The following PTGR1 variants were observed in gnomAD, a reference collection of about 807,000 sequenced individuals.
PTGR1 encodes prostaglandin reductase 1, also known as 15-oxoprostaglandin 13-reductase.
A neutral mutation model predicts 37.7 loss-of-function variants in PTGR1; 23 were observed. The observed-to-expected ratio is 0.61, with a 90% CI of 0.44 to 0.86. PTGR1 has a LOEUF of 0.86. Among genes scored for constraint, PTGR1 ranks in the 40% least tolerant of loss-of-function variants. The pLI, the probability that PTGR1 is intolerant of heterozygous loss-of-function variation, is 0.00. For missense variants in PTGR1, 351 were observed against 394.3 expected, an observed-to-expected ratio of 0.89 and a Z score of 0.93; for synonymous variants, 134 against 140.0, an observed-to-expected ratio of 0.96 and a Z score of 0.30.
intron 4 of PTGR1, among the ~76,000 whole-genome samples, chr9:111,586,960 C>T (rs1829450970): frequency 6.6e-6 from 1 of 151,558 alleles, no homozygotes; most frequent in Non-Finnish European, 1.5e-5. Context: ...TATAGGCGCC[C>T]ACCACAACAA....
At chr9:111,576,588 A>G (rs1829065263) in intron 7 of PTGR1, 1 of 655,438 alleles carries the variant, frequency 1.5e-6, no homozygotes, top group African/African-American at 1.8e-5. Context: ...AACACTTCTG[A>G]ACCTCCTTTT....
intron 4 of PTGR1, among the ~76,000 whole-genome samples, chr9:111,591,382 T>A (rs1480215259): frequency 1.4e-5 from 2 of 145,824 alleles, no homozygotes; most frequent in Non-Finnish European, 3.0e-5. Flanking sequence ...TTTTTTTTTT[T>A]TTTTTTTGAG....
intron 4 of PTGR1, chr9:111,592,663 T>C (rs1484968801): frequency 2.7e-6 from 1 of 368,704 alleles, no homozygotes; most frequent in African/African-American, 2.1e-5. Flanking sequence ...CAATAAATCA[T>C]GACCTGGACA....
downstream of PTGR1, among the ~76,000 whole-genome samples, chr9:111,561,019 GT>G (rs1828282381): frequency 5.4e-5 from 3 of 55,630 alleles, no homozygotes; most frequent in Non-Finnish European, 1.0e-4. Context: ...AGAGAGAGAG[GT>G]GGCAGTGAGT....
At chr9:111,557,731 A>G (rs1828166572), downstream of PTGR1, among the ~76,000 whole-genome samples, 4 of 152,114 alleles carry the variant, frequency 2.6e-5, no homozygotes, top group Middle Eastern at 3.4e-3. Flanking sequence ...TGCCCGGCCC[A>G]TTTGTCTCAT....
At chr9:111,576,406 G>A (rs1256465061) in intron 7 of PTGR1, 3 of 1,613,998 alleles carry the variant, frequency 1.9e-6, no homozygotes, top group Admixed American at 1.7e-5. Flanking sequence ...GTTCTCTGAG[G>A]CTGAATAAGA....
At chr9:111,590,294 G>A (rs373858272) in intron 4 of PTGR1, among the ~76,000 whole-genome samples, 6 of 152,062 alleles carry the variant, frequency 3.9e-5, no homozygotes, top group East Asian at 3.9e-4. Context: ...TTTATCTCAG[G>A]TTGCCGAGAC....
chr9:111,564,138 A>T lies in PTGR1; in HGVS notation c.880-907T>A, dbSNP rs965056555. ...TTTTCAGATTTTTTTAAGGGGTCTTATATAGAGACCTGAGTTACCTGATAC... is the reference window on the plus strand; with the variant it reads ...TTTTCAGATTTTTTTAAGGGGTCTTTTATAGAGACCTGAGTTACCTGATAC... On this transcript the variant is annotated intron_variant, in intron 9 of 9. Transcript: ENST00000407693. 15 of 520,852 alleles carry T rather than the reference A, an allele frequency of 2.9e-5. No individual in the cohort carries two copies. In the African/African-American group the frequency reaches 2.9e-4, roughly 10 times the overall value. 32.3% of individuals were successfully genotyped at this position (520,852 alleles called of 1,614,324 possible).
chr9:111,564,235 G>A, intron 9 of PTGR1: 1 of 1,067,412 alleles, frequency 9.4e-7, no homozygotes, highest in Non-Finnish European at 1.2e-6. Context: ...TTATTTGCTT[G>A]AAGTCAGTCA....
At chr9:111,560,396 C>A (rs372295218), downstream of PTGR1, among the ~76,000 whole-genome samples, 34 of 149,934 alleles carry the variant, frequency 2.3e-4, no homozygotes, top group South Asian at 7.0e-3. Flanking sequence ...ATCGCGTGAA[C>A]CCTGGAGGCG....
At chr9:111,549,923 TTGAA>T (rs1286361637) in intron 9 of PTGR1, 9 of 640,916 alleles carry the variant, frequency 1.4e-5, no homozygotes, top group African/African-American at 1.1e-4. Context: ...TTTTGTGCCT[TTGAA>T]TGGTCAATAC....
chr9:111,570,328 T>C (rs1828755728), intron 8 of PTGR1, 119 bp from the exon 9 acceptor site: 2 of 1,431,060 alleles, frequency 1.4e-6, no homozygotes, highest in South Asian at 3.0e-5. Flanking sequence ...CTTCTCCCCT[T>C]CCATTTCCTC....
chr9:111,593,102 G>C, intron 3 of PTGR1, 120 bp from the exon 4 acceptor site: 1 of 1,422,570 alleles, frequency 7.0e-7, no homozygotes, highest in Non-Finnish European at 9.3e-7. Context: ...AAAACTGCTG[G>C]ATAAGTGTAT....
intron 3 of PTGR1, among the ~76,000 whole-genome samples, chr9:111,593,467 C>T (rs765371979): frequency 5.3e-5 from 8 of 152,166 alleles, no homozygotes; most frequent in Non-Finnish European, 1.0e-4. Context: ...CAAAAAAATA[C>T]TGAGGACTTA....
chr9:111,578,336 A>T (rs1429233082), intron 7 of PTGR1, among the ~76,000 whole-genome samples: 3 of 147,386 alleles, frequency 2.0e-5, no homozygotes, highest in Non-Finnish European at 4.6e-5. Context: ...TATTATTGCA[A>T]TGTAATATAC....
chr9:111,554,517 G>A (rs1828064795), intron 9 of PTGR1, among the ~76,000 whole-genome samples: 2 of 152,102 alleles, frequency 1.3e-5, no homozygotes, highest in South Asian at 2.1e-4. Flanking sequence ...CCAAGACCTC[G>A]AGTGGATGCC....
At chr9:111,591,330 T>A (rs1829611720) in intron 4 of PTGR1, among the ~76,000 whole-genome samples, 1 of 151,436 alleles carries the variant, frequency 6.6e-6, no homozygotes, top group Middle Eastern at 3.4e-3. Flanking sequence ...AAAATGAAAT[T>A]TATTTATAAA....
At chr9:111,561,940 C>T (rs1409748509), downstream of PTGR1, among the ~76,000 whole-genome samples, 1 of 150,034 alleles carries the variant, frequency 6.7e-6, no homozygotes, top group Non-Finnish European at 1.5e-5. Context: ...GGCTGGAGTG[C>T]AATGGCACAA....
intron 4 of PTGR1, 102 bp downstream of exon 4, chr9:111,592,824 A>G (rs2132436474): frequency 6.7e-7 from 1 of 1,489,842 alleles, no homozygotes; most frequent in East Asian, 2.3e-5. Context: ...AGTCAACAAC[A>G]TAGGCTGAAG....
Sources: allele counts gnomAD v4.1 joint callset (sites outside exome capture counted in the v4.1 genomes callset), GRCh38; gene constraint gnomAD v4.1.1; transcripts MANE v1.5; gene names NCBI Gene and HGNC (gene_info 2026-07-23, HGNC 2026-07-21).